The following TRANK1 variants were observed in gnomAD, a reference collection of about 807,000 sequenced individuals.
The protein encoded by TRANK1 is tetratricopeptide repeat and ankyrin repeat containing 1.
TRANK1 carries 198 observed loss-of-function variants against 266.0 expected under a neutral mutation model. That is an observed-to-expected ratio of 0.74 (90% CI 0.66 to 0.84). The LOEUF is 0.84. TRANK1 is among the 40% of genes least tolerant of loss of function. The pLI, the probability that TRANK1 is intolerant of heterozygous loss-of-function variation, is 0.00. For synonymous variants in TRANK1, 1,396 were observed against 1,384.1 expected (o/e 1.01, Z -0.19); for missense variants, 3,326 against 3,634.6 (o/e 0.92, Z 2.18).
chr3:36,876,972 A>G (rs866102060), intron 8 of TRANK1, among the ~76,000 whole-genome samples: 10 of 152,334 alleles, frequency 6.6e-5, no homozygotes, highest in African/African-American at 2.2e-4. Flanking sequence ...TACCAGAGCC[A>G]ATGAGACCAT....
In TRANK1 at chr3:36,833,028, C is replaced by T; in HGVS notation, c.6555G>A (p.Gly2185=). Residue 2185 remains glycine (G), a synonymous_variant, in exon 22 of 24, where the codon GGG becomes GGA. Transcript: ENST00000645898. The stretch of plus-strand genomic sequence containing the variant: ...TCATGCAGACTCCTCGGTAGGTCTT[C>T]CCAAGCAGGCTCCGTGTGATCTGAC... The part of the protein sequence containing the change: ...RLCQITRSLL[G]KTYRGVCMRF... 6.2e-7 allele frequency: 1 copy of T among 1,612,466 alleles called. No homozygotes were observed. Among genetic ancestry groups the T allele is most frequent in the African/African-American group, 1.3e-5 (1 of 75,002 alleles).
At chr3:36,927,931 C>G (rs2080310678) in intron 1 of TRANK1, among the ~76,000 whole-genome samples, 1 of 152,172 alleles carries the variant, frequency 6.6e-6, no homozygotes, top group East Asian at 1.9e-4. Context: ...CTGCACAAAT[C>G]TAAGACATAA....
intron 8 of TRANK1, among the ~76,000 whole-genome samples, chr3:36,882,860 T>C (rs2079550308): frequency 6.6e-6 from 1 of 152,158 alleles, no homozygotes; most frequent in Non-Finnish European, 1.5e-5. Flanking sequence ...TTAAAGTGAT[T>C]CTTAAACACA....
At chr3:36,886,967 C>T (rs951708229) in intron 8 of TRANK1, among the ~76,000 whole-genome samples, 6 of 137,728 alleles carry the variant, frequency 4.4e-5, no homozygotes, top group East Asian at 4.4e-4. Flanking sequence ...TGTGCAGTGG[C>T]GCAATCTCAG....
Position 36,858,757 on chromosome 3 carries a change from G to A in TRANK1, c.1633C>T (p.Pro545Ser). 6.5e-7 allele frequency: 1 copy of A among 1,536,858 alleles called. No individual in the cohort carries two copies. Among genetic ancestry groups the A allele is most frequent in the South Asian group, 1.2e-5 (1 of 84,004 alleles). Residue 545 changes from proline to serine, a missense_variant, in exon 12 of 24, where the codon CCT becomes TCT. Physicochemically the swap from Pro to Ser is moderately conservative, Grantham distance 74. Transcript: ENST00000645898. The part of the protein sequence containing the change: ...RAISLTEGDT[P>S]LHAALHIFLE... ...AAGATGTGGAGTGCTGCATGCAAAG[G>A]AGTATCACCTTCCGTGAGAGAAATA... is the stretch of plus-strand genomic sequence containing the variant.
intron 1 of TRANK1, among the ~76,000 whole-genome samples, chr3:36,926,320 G>A (rs894953414): frequency 6.6e-6 from 1 of 152,160 alleles, no homozygotes; most frequent in African/African-American, 2.4e-5. Flanking sequence ...ATAACACACA[G>A]CACTAACTGC....
chr3:36,878,505 G>A (rs777060299), intron 8 of TRANK1, among the ~76,000 whole-genome samples: 16 of 152,258 alleles, frequency 1.1e-4, no homozygotes, highest in Non-Finnish European at 2.1e-4. Flanking sequence ...TTAGGTCAAT[G>A]TAGCAACAGG....
At chr3:36,906,531 A>G (rs2079970861) in intron 2 of TRANK1, among the ~76,000 whole-genome samples, 3 of 152,246 alleles carry the variant, frequency 2.0e-5, no homozygotes, top group African/African-American at 7.2e-5. Flanking sequence ...GATGTGATCA[A>G]TTTAAGGATT....
At chr3:36,897,731 T>C (rs1444214096) in intron 4 of TRANK1, among the ~76,000 whole-genome samples, 1 of 152,262 alleles carries the variant, frequency 6.6e-6, no homozygotes, top group African/African-American at 2.4e-5. Context: ...ATCAATGTTG[T>C]CTTTCACTGG....
At chr3:36,838,552 C>T (rs1250170255) in intron 19 of TRANK1, 48 bp from the exon 20 acceptor site, 5 of 1,613,956 alleles carry the variant, frequency 3.1e-6, no homozygotes, top group Non-Finnish European at 4.2e-6. Flanking sequence ...ATTGACCCTA[C>T]ACCAATATTT....
intron 4 of TRANK1, among the ~76,000 whole-genome samples, chr3:36,897,584 G>A (rs2079811390): frequency 1.3e-5 from 2 of 152,214 alleles, no homozygotes. Context: ...ACTGCAATGG[G>A]AACAGTTTGA....
In TRANK1 at chr3:36,855,240, G is replaced by A. The variant is rs748279715; in HGVS notation, c.4482C>T (p.Asp1494=). ...LFHYASRNTI[D]KQCAVRKPKK... ...TGGGCTTCCGGACAGCACACTGCTT[G>A]TCTATGGTGTTTCTGCTGGCATAAT... Residue 1494 remains aspartate (D), a synonymous_variant, in exon 13 of 24, where the codon GAC becomes GAT. Coordinates refer to ENST00000645898, the MANE Select transcript of TRANK1 (RefSeq NM_001329998.2). 6.2e-7 allele frequency: 1 copy of A among 1,613,932 alleles called. No individual in the cohort carries two copies. The highest frequency in any genetic ancestry group is 8.5e-7 in the Non-Finnish European group (1 of 1,179,900).
chr3:36,861,234 A>C, intron 10 of TRANK1, 74 bp from the exon 11 acceptor site: 2 of 1,459,984 alleles, frequency 1.4e-6, no homozygotes, highest in Non-Finnish European at 1.8e-6. Context: ...TCACAACCCA[A>C]CATCCATATA....
At chr3:36,869,105 G>T (rs1251551377) in intron 9 of TRANK1, among the ~76,000 whole-genome samples, 1 of 152,204 alleles carries the variant, frequency 6.6e-6, no homozygotes, top group Non-Finnish European at 1.5e-5. Context: ...GACTATTTAG[G>T]ACTAAAGCCT....
At chr3:36,898,385 G>T (rs1445922637) in intron 4 of TRANK1, among the ~76,000 whole-genome samples, 1 of 151,744 alleles carries the variant, frequency 6.6e-6, no homozygotes, top group Admixed American at 6.6e-5. Context: ...GGAGACAGAG[G>T]TTGCAGTGAG....
At chr3:36,923,228 C>G (rs1457192824) in intron 1 of TRANK1, among the ~76,000 whole-genome samples, 1 of 151,218 alleles carries the variant, frequency 6.6e-6, no homozygotes, top group Non-Finnish European at 1.5e-5. Flanking sequence ...ATAAATCCAC[C>G]CTTCTCCACC....
At chr3:36,854,458 A>C (rs1001860209) in intron 13 of TRANK1, among the ~76,000 whole-genome samples, 1 of 152,220 alleles carries the variant, frequency 6.6e-6, no homozygotes, top group African/African-American at 2.4e-5. Context: ...ATCCCATTAC[A>C]GTTTTTAAAC....
intron 20 of TRANK1, among the ~76,000 whole-genome samples, chr3:36,835,755 C>T (rs1478279802): frequency 2.0e-5 from 3 of 152,174 alleles, no homozygotes; most frequent in Non-Finnish European, 4.4e-5. Flanking sequence ...CCACTAGTCA[C>T]ATCTGAATGT....
intron 12 of TRANK1, 93 bp downstream of exon 12, chr3:36,858,625 T>C: frequency 7.4e-7 from 1 of 1,358,096 alleles, no homozygotes; most frequent in Non-Finnish European, 9.5e-7. Context: ...AGATCACTGG[T>C]TTACACAAAA....
Sources: gnomAD v4.1 joint callset for allele counts (sites outside exome capture counted in the v4.1 genomes callset) on GRCh38, gnomAD v4.1.1 for gene constraint, MANE v1.5 for transcripts, NCBI Gene and HGNC (gene_info 2026-07-23, HGNC 2026-07-21) for gene names.